AKAP12: variants seen among roughly 807,000 people sequenced by gnomAD.
The protein encoded by AKAP12 is A-kinase anchor protein 12.
AKAP12 carries 32 observed loss-of-function variants against 79.9 expected under a neutral mutation model. That is an observed-to-expected ratio of 0.40 (90% CI 0.30 to 0.54). The LOEUF (loss-of-function observed/expected upper bound fraction) is 0.54. AKAP12 is among the 20% of genes least tolerant of loss of function. The pLI, the probability that AKAP12 is intolerant of heterozygous loss-of-function variation, is 0.48. For missense variants in AKAP12, 2,074 were observed against 2,177.0 expected, an observed-to-expected ratio of 0.95 and a Z score of 0.94; for synonymous variants, 808 against 857.0, an observed-to-expected ratio of 0.94 and a Z score of 1.00.
intron 3 of AKAP12, among the ~76,000 whole-genome samples, chr6:151,313,445 G>A (rs377118816): frequency 2.4e-4 from 37 of 152,294 alleles, no homozygotes; most frequent in African/African-American, 7.5e-4. Context: ...TATGCTATGC[G>A]ATTTCTGGGA....
chr6:151,259,928 A>G (rs549815257), intron 2 of AKAP12, among the ~76,000 whole-genome samples: 1 of 150,992 alleles, frequency 6.6e-6, no homozygotes, highest in Admixed American at 6.6e-5. Context: ...TGCACAAAGC[A>G]TTAACAATGT....
At chr6:151,278,171 G>A (rs1776321645) in intron 2 of AKAP12, among the ~76,000 whole-genome samples, 1 of 152,120 alleles carries the variant, frequency 6.6e-6, no homozygotes, top group East Asian at 1.9e-4. Flanking sequence ...GATTTACAAT[G>A]AAGGGGAATT....
chr6:151,315,352 G>T (rs1447027549), intron 3 of AKAP12, among the ~76,000 whole-genome samples: 1 of 152,320 alleles, frequency 6.6e-6, no homozygotes, highest in East Asian at 1.9e-4. Context: ...TCATGTGGCA[G>T]AAGGGCAGAG....
chr6:151,276,960 C>A (rs1235089516), intron 2 of AKAP12, among the ~76,000 whole-genome samples: 1 of 152,166 alleles, frequency 6.6e-6, no homozygotes, highest in Non-Finnish European at 1.5e-5. Context: ...GTATGCATCT[C>A]CACGGGCACA....
chr6:151,318,474 A>G (rs1300511334), intron 3 of AKAP12, among the ~76,000 whole-genome samples: 1 of 152,148 alleles, frequency 6.6e-6, no homozygotes, highest in Non-Finnish European at 1.5e-5. Flanking sequence ...TGTTATCTTG[A>G]TAGATGTCTG....
intron 2 of AKAP12, among the ~76,000 whole-genome samples, chr6:151,260,998 T>C (rs1797418255): frequency 6.6e-6 from 1 of 151,704 alleles, no homozygotes; most frequent in Non-Finnish European, 1.5e-5. Flanking sequence ...TTTATATTCC[T>C]CCATACTTTT....
chr6:151,352,472 G>GA lies in AKAP12; in HGVS notation c.4084dup (p.Thr1362AsnfsTer7). On this transcript the variant is annotated frameshift_variant, in exon 4 of 5. Coordinates refer to ENST00000402676, the MANE Select transcript of AKAP12 (RefSeq NM_005100.4). LOFTEE classifies it low-confidence loss of function (END_TRUNC). Reference sequence around the variant, plus strand: ...TGTGAATGAAGAGAAGCTTGAGCACGAAACAGCTGTTACCGTATCTGAAGA... The same window carrying GA: ...TGTGAATGAAGAGAAGCTTGAGCACGAAAACAGCTGTTACCGTATCTGAAGA... The GA allele has an allele frequency of 1.2e-6, 2 of 1,614,188 alleles. No homozygotes were observed. Among genetic ancestry groups the GA allele is most frequent in the Non-Finnish European group, 8.5e-7 (1 of 1,180,028 alleles).
chr6:151,354,963 G>C (rs1404366302), intron 4 of AKAP12, among the ~76,000 whole-genome samples: 1 of 152,038 alleles, frequency 6.6e-6, no homozygotes, highest in African/African-American at 2.4e-5. Context: ...TTACAGTCGT[G>C]AGCCACTGTG....
rs5880922 is a variant in AKAP12, at chr6:151,240,786, T to TG, written c.162+69dup. ...GGGTCTTTGGGGGTGGGGGTGGGGG[T>TG]GGGGGGGTCCCTCCGATTTCCGCCG... On this transcript the variant is annotated intron_variant, in intron 2 of 4. Coordinates refer to ENST00000402676, the MANE Select transcript of AKAP12 (RefSeq NM_005100.4). The TG allele has an allele frequency of 1.3e-3, 320 of 241,164 alleles. 1 individual carries two copies. Among genetic ancestry groups the TG allele is most frequent in the East Asian group, 5.2e-3 (64 of 12,226 alleles). The allele number at this position is 241,164 out of a possible 1,614,324, so 14.9% of individuals were successfully genotyped here.
In AKAP12 at chr6:151,351,776, A is replaced by T; in HGVS notation, c.3385A>T (p.Ser1129Cys). 6.2e-7 allele frequency: 1 copy of T among 1,614,132 alleles called. No homozygotes were observed. Among genetic ancestry groups the T allele is most frequent in the Non-Finnish European group, 8.5e-7 (1 of 1,180,004 alleles). The change falls in exon 4 of 5, where the codon AGC (serine) becomes TGC (cysteine). Residue 1129 changes from serine (S) to cysteine (C), a missense_variant. Physicochemically the swap from Ser to Cys is moderately radical, Grantham distance 112. This residue lies in a region of AKAP12 where 1,428 missense variants were observed against 1,451.0 expected (regional missense o/e 0.98). Transcript: ENST00000402676. The surrounding 1 kb of genome is among the most constrained non-coding windows in gnomAD (Gnocchi z 4.4). ...SFEKAPQVTE[S>C]IESSELVTTC... Reference sequence around the variant, plus strand: ...TGAAAAAGCTCCTCAAGTCACAGAGAGCATAGAGTCCAGTGAGCTTGTAAC... The same window carrying T: ...TGAAAAAGCTCCTCAAGTCACAGAGTGCATAGAGTCCAGTGAGCTTGTAAC...
intron 3 of AKAP12, 33 bp from the exon 4 acceptor site, chr6:151,348,678 T>TGTGGGGGGG: frequency 8.0e-6 from 3 of 374,898 alleles, no homozygotes; most frequent in Admixed American, 3.9e-5. Context: ...CCTTTTCTCT[T>TGTGGGGGGG]CTCCCCACCC....
chr6:151,251,092 G>C (rs1047521715), intron 2 of AKAP12, among the ~76,000 whole-genome samples: 4 of 152,142 alleles, frequency 2.6e-5, no homozygotes, highest in Admixed American at 2.6e-4. Flanking sequence ...TAGTACTACT[G>C]TAAAAAAAAG....
At chr6:151,304,105 T>A (rs1254928918) in intron 2 of AKAP12, among the ~76,000 whole-genome samples, 1 of 152,178 alleles carries the variant, frequency 6.6e-6, no homozygotes, top group Non-Finnish European at 1.5e-5. Flanking sequence ...AACATTGCTG[T>A]ATATTACATT....
At chr6:151,319,203 C>T (rs1214192542) in intron 3 of AKAP12, among the ~76,000 whole-genome samples, 1 of 151,976 alleles carries the variant, frequency 6.6e-6, no homozygotes, top group Non-Finnish European at 1.5e-5. Flanking sequence ...AGGAACTATT[C>T]TTCAGAGTAT....
chr6:151,269,006 T>C (rs1015167108), intron 2 of AKAP12, among the ~76,000 whole-genome samples: 4 of 141,368 alleles, frequency 2.8e-5, no homozygotes, highest in African/African-American at 1.0e-4. Context: ...CTTACTTTAA[T>C]ATTACAGAGG....
chr6:151,312,199 G>A lies in AKAP12; in HGVS notation c.319+6296G>A, dbSNP rs139205815. Among the ~76,000 whole-genome samples the A allele has an allele frequency of 4.1e-4, 62 of 152,226 alleles. No individual in the cohort carries two copies. The East Asian group carries it at 7.3e-3, about 18-fold the overall frequency. ...AAATATAAGAATCAAGCCCAGGTGCGGTGACTTACAACGGTAATCCCAGCA... is the reference window on the plus strand; with the variant it reads ...AAATATAAGAATCAAGCCCAGGTGCAGTGACTTACAACGGTAATCCCAGCA... On this transcript the variant is annotated intron_variant, in intron 3 of 4. Coordinates refer to ENST00000402676, the MANE Select transcript of AKAP12 (RefSeq NM_005100.4).
At chr6:151,292,848 T>G (rs537976694) in intron 2 of AKAP12, among the ~76,000 whole-genome samples, 1 of 152,344 alleles carries the variant, frequency 6.6e-6, no homozygotes, top group South Asian at 2.1e-4. Context: ...TGAGACCTTC[T>G]TCTGTCTTCC....
Position 151,353,655 on chromosome 6 carries a change from C to G in AKAP12, c.5264C>G (p.Ser1755Ter), listed in dbSNP as rs1264225193. 6.2e-7 allele frequency: 1 copy of G among 1,614,034 alleles called. No individual in the cohort carries two copies. Among genetic ancestry groups the G allele is most frequent in the East Asian group, 2.2e-5 (1 of 44,876 alleles). ...CAGGAAGGAAAAGTGCACAGTGAAT[C>G]AGATAAAGCGATCACACCCCAAGCA... ...ELQEGKVHSESDKAITPQAQE... is the reference protein window; with the variant it reads ...ELQEGKVHSE The change falls in exon 4 of 5, where the codon TCA becomes TGA. Residue 1755 changes from serine to a stop codon, truncating the protein, a stop_gained. Coordinates refer to ENST00000402676, the MANE Select transcript of AKAP12 (RefSeq NM_005100.4). LOFTEE classifies it low-confidence loss of function (END_TRUNC).
At chr6:151,306,976 CAT>C (rs1407382356) in intron 3 of AKAP12, among the ~76,000 whole-genome samples, 1 of 152,188 alleles carries the variant, frequency 6.6e-6, no homozygotes, top group African/African-American at 2.4e-5. Context: ...GCACCAGCAA[CAT>C]GTGAGCTTAC....
Sources: allele counts gnomAD v4.1 joint callset (sites outside exome capture counted in the v4.1 genomes callset), GRCh38; gene constraint gnomAD v4.1.1; regional missense constraint gnomAD v4.1.1; non-coding constraint Gnocchi (gnomAD v3.1); transcripts MANE v1.5; gene names NCBI Gene and HGNC (gene_info 2026-07-23, HGNC 2026-07-21).